OTOGL: variants seen among roughly 807,000 people sequenced by gnomAD.
The protein encoded by OTOGL is otogelin like, also known as otogelin-like protein.
In OTOGL, 285 loss-of-function variants were observed where a neutral mutation model predicts 318.5. The ratio of observed to expected loss-of-function variants is 0.89; its 90% CI spans 0.81 to 0.99. The LOEUF (loss-of-function observed/expected upper bound fraction) is 0.99, where lower values mean the gene tolerates loss of function less well. Among genes scored for constraint, OTOGL ranks in the 50% least tolerant of loss-of-function variants. The pLI is 0.00. For synonymous variants in OTOGL, 987 were observed against 936.5 expected (o/e 1.05, Z -0.99); for missense variants, 2,899 against 2,845.6 (o/e 1.02, Z -0.43).
chr12:80,165,190 TCTC>T (rs970100700), intron 1 of OTOGL, among the ~76,000 whole-genome samples: 1 of 152,198 alleles, frequency 6.6e-6, no homozygotes, highest in African/African-American at 2.4e-5. Context: ...TACTTTTTCT[TCTC>T]CTAGGATTCT....
At chr12:80,239,911 C>T (rs1334928062) in intron 11 of OTOGL, among the ~76,000 whole-genome samples, 2 of 151,896 alleles carry the variant, frequency 1.3e-5, no homozygotes, top group African/African-American at 4.8e-5. Context: ...CTCTGGTAAC[C>T]ACCAATCTAC....
intron 1 of OTOGL, among the ~76,000 whole-genome samples, chr12:80,173,310 A>T (rs1052597518): frequency 1.3e-5 from 2 of 152,242 alleles, no homozygotes; most frequent in East Asian, 3.9e-4. Flanking sequence ...TATGATAAAC[A>T]AGGGATGGAT....
intron 1 of OTOGL, among the ~76,000 whole-genome samples, chr12:80,155,509 C>A (rs1031090910): frequency 2.0e-5 from 3 of 151,962 alleles, no homozygotes; most frequent in Admixed American, 6.6e-5. Context: ...TTACATATTG[C>A]AAGAGATAGG....
In OTOGL at chr12:80,239,334, C is replaced by A. The variant is rs781738378; in HGVS notation, c.947C>A (p.Ala316Glu). ...PCSSGMPAFE[A>E]IFFKCQILLQ... is the part of the protein sequence containing the mutation. ...TGACTGCCATCTTTTTTTGCACAGG[C>A]AATCTTCTTCAAGTGTCAGATACTG... Residue 316 changes from alanine (A) to glutamate (E), a missense_variant and splice_region_variant, in exon 11 of 59, where the codon GCA becomes GAA. By Grantham distance (107) the Ala-to-Glu change is moderately radical (BLOSUM62 -1). Coordinates refer to ENST00000547103, the MANE Select transcript of OTOGL (RefSeq NM_001378609.3). 1 of 1,598,806 alleles carries A rather than the reference C, an allele frequency of 6.3e-7. No individual in the cohort carries two copies. Among genetic ancestry groups the A allele is most frequent in the South Asian group, 1.1e-5 (1 of 88,906 alleles).
rs997595165 is a variant in OTOGL, at chr12:80,311,363, A to C, written c.3450+636A>C. ...CTCTTGGAATACCATTCTGTTTCAAAGAACAAATGATATATGGTTATTCAG... is the reference window on the plus strand; with the variant it reads ...CTCTTGGAATACCATTCTGTTTCAACGAACAAATGATATATGGTTATTCAG... On this transcript the variant is annotated intron_variant, in intron 30 of 58. Transcript: ENST00000547103. Among the ~76,000 whole-genome samples the C allele has an allele frequency of 2.0e-5, 3 of 152,344 alleles. No homozygotes were observed. The East Asian group carries it at 5.8e-4, about 29-fold the overall frequency.
intron 1 of OTOGL, among the ~76,000 whole-genome samples, chr12:80,128,596 G>A (rs1871018173): frequency 6.6e-6 from 1 of 152,194 alleles, no homozygotes; most frequent in Non-Finnish European, 1.5e-5. Context: ...AGTCTGCAGA[G>A]GTTTCTGCTG....
intron 1 of OTOGL, among the ~76,000 whole-genome samples, chr12:80,149,038 C>G (rs1346815972): frequency 1.3e-5 from 2 of 152,092 alleles, no homozygotes; most frequent in Non-Finnish European, 2.9e-5. Flanking sequence ...TCGTCTGAAG[C>G]CTTCTTCTCT....
chr12:80,251,579 A>G (rs1235868095), intron 11 of OTOGL, 114 bp from the exon 12 acceptor site: 1 of 705,858 alleles, frequency 1.4e-6, no homozygotes, highest in East Asian at 2.8e-5. Context: ...GCTGACATCA[A>G]TTAACATCGG....
chr12:80,109,290 A>G (rs1174628332), intron 1 of OTOGL, among the ~76,000 whole-genome samples: 2 of 152,148 alleles, frequency 1.3e-5, no homozygotes, highest in African/African-American at 4.8e-5. Flanking sequence ...ATGAGTTTGT[A>G]TTGACATGAA....
At chr12:80,312,327 T>C (rs1374863604) in intron 30 of OTOGL, among the ~76,000 whole-genome samples, 2 of 152,222 alleles carry the variant, frequency 1.3e-5, no homozygotes, top group Admixed American at 6.5e-5. Context: ...AAGCCACACA[T>C]TAAAGAGATT....
At chr12:80,349,709 A>G (rs1889421137) in intron 44 of OTOGL, among the ~76,000 whole-genome samples, 1 of 152,186 alleles carries the variant, frequency 6.6e-6, no homozygotes, top group Admixed American at 6.5e-5. Context: ...GTGCAAAGTA[A>G]GGTGGTTGGA....
At position 80,211,954 on chromosome 12, in the gene OTOGL, G is replaced by T. The variant is rs1233024786; in HGVS notation, c.125G>T (p.Gly42Val). 2 of 1,570,522 alleles carry T rather than the reference G, an allele frequency of 1.3e-6. No individual in the cohort carries two copies. Among genetic ancestry groups the T allele is most frequent in the Admixed American group, 1.8e-5 (1 of 55,608 alleles). The stretch of plus-strand genomic sequence containing the variant: ...TTCTTTTTGTTTTCTTCCAGAAACG[G>T]GTTTAATGAAAATCGACAGAAAAGA... ...SSILMGTSKN[G>V]FNENRQKRAL... Residue 42 changes from glycine (G) to valine (V), a missense_variant, in exon 4 of 59, where the codon GGG becomes GTG. Gly to Val is a moderately radical substitution (Grantham distance 109, BLOSUM62 -3). Transcript: ENST00000547103.
intron 44 of OTOGL, among the ~76,000 whole-genome samples, chr12:80,344,468 G>T (rs1334084987): frequency 6.6e-6 from 1 of 152,076 alleles, no homozygotes; most frequent in African/African-American, 2.4e-5. Context: ...CTTGAACCTG[G>T]GAGGTGGAGG....
chr12:80,214,770 G>A (rs887917111), intron 4 of OTOGL, among the ~76,000 whole-genome samples: 1 of 152,140 alleles, frequency 6.6e-6, no homozygotes, highest in Non-Finnish European at 1.5e-5. Context: ...GGCTTATGAA[G>A]AAGTCATTTC....
chr12:80,337,322 G>A (rs1025367307), intron 42 of OTOGL, among the ~76,000 whole-genome samples: 1 of 151,896 alleles, frequency 6.6e-6, no homozygotes, highest in African/African-American at 2.4e-5. Context: ...AGACAGAGTG[G>A]AAATGCTATG....
At chr12:80,154,106 C>T (rs561576509) in intron 1 of OTOGL, among the ~76,000 whole-genome samples, 1 of 152,212 alleles carries the variant, frequency 6.6e-6, no homozygotes, top group Non-Finnish European at 1.5e-5. Flanking sequence ...GTCAGGAGTT[C>T]AAGACCAGCC....
rs575317673 is a variant in OTOGL, at chr12:80,244,737, A to G, written c.1052+5298A>G. On this transcript the variant is annotated intron_variant, in intron 11 of 58. Coordinates refer to ENST00000547103, the MANE Select transcript of OTOGL (RefSeq NM_001378609.3). ...TCTAGTTCTAGATCCCTGAGGAATC[A>G]CCACAATGACTTCCACAATGGTTGA... 4.9e-4 allele frequency among the ~76,000 whole-genome samples: 72 copies of G among 146,592 alleles called. 1 individual carries two copies. Among genetic ancestry groups the G allele is most frequent in the African/African-American group, 1.9e-3 (69 of 36,264 alleles).
intron 28 of OTOGL, among the ~76,000 whole-genome samples, chr12:80,303,875 A>G (rs1885936361): frequency 6.6e-6 from 1 of 152,202 alleles, no homozygotes; most frequent in Admixed American, 6.5e-5. Flanking sequence ...GGGTGGGGAC[A>G]CAGAGCCAAG....
intron 26 of OTOGL, among the ~76,000 whole-genome samples, chr12:80,285,158 T>G (rs1414035786): frequency 6.6e-6 from 1 of 152,162 alleles, no homozygotes; most frequent in Non-Finnish European, 1.5e-5. Context: ...TGCTTGTTTT[T>G]GTCAGATTTG....
Sources: gnomAD v4.1 joint callset for allele counts (sites outside exome capture counted in the v4.1 genomes callset) on GRCh38, gnomAD v4.1.1 for gene constraint, MANE v1.5 for transcripts, NCBI Gene and HGNC (gene_info 2026-07-23, HGNC 2026-07-21) for gene names.